PREX2: variants seen among roughly 807,000 people sequenced by gnomAD.
PREX2 encodes the protein phosphatidylinositol 3,4,5-trisphosphate-dependent Rac exchanger 2 protein.
A neutral mutation model predicts 203.2 loss-of-function variants in PREX2; 107 were observed. The ratio of observed to expected loss-of-function variants is 0.53; its 90% CI spans 0.45 to 0.62. PREX2 has a LOEUF of 0.62. PREX2 is among the 20% of genes least tolerant of loss of function. The pLI is 0.00. For missense variants in PREX2, 1,777 were observed against 1,955.9 expected (o/e 0.91, Z 1.72); for synonymous variants, 672 against 663.6 (o/e 1.01, Z -0.19).
At chr8:68,158,409 G>T (rs965050283) in intron 35 of PREX2, among the ~76,000 whole-genome samples, 1 of 152,086 alleles carries the variant, frequency 6.6e-6, no homozygotes, top group Non-Finnish European at 1.5e-5. Context: ...CTTGAGAATT[G>T]CAAGCCAGGA....
chr8:68,036,017 A>C (rs1808018307), intron 6 of PREX2, among the ~76,000 whole-genome samples: 1 of 152,198 alleles, frequency 6.6e-6, no homozygotes, highest in South Asian at 2.1e-4. Flanking sequence ...TGCTTATGAA[A>C]AGAAATGTTG....
At chr8:68,152,105 C>T (rs546548753) in intron 34 of PREX2, among the ~76,000 whole-genome samples, 5 of 151,248 alleles carry the variant, frequency 3.3e-5, no homozygotes, top group South Asian at 2.1e-4. Context: ...CTGGCTAACA[C>T]GATGAAACCC....
chr8:68,156,579 A>G (rs1470168941), intron 34 of PREX2, among the ~76,000 whole-genome samples: 2 of 152,234 alleles, frequency 1.3e-5, no homozygotes, highest in African/African-American at 4.8e-5. Flanking sequence ...AAGACAAGTT[A>G]ACAAGAGAAA....
intron 6 of PREX2, among the ~76,000 whole-genome samples, chr8:68,037,269 A>C (rs1431034720): frequency 6.6e-6 from 1 of 152,226 alleles, no homozygotes; most frequent in Non-Finnish European, 1.5e-5. Context: ...TCTCTTGCAG[A>C]GCACACATAT....
intron 37 of PREX2, among the ~76,000 whole-genome samples, chr8:68,207,930 T>C (rs1316313369): frequency 6.6e-6 from 1 of 152,032 alleles, no homozygotes; most frequent in East Asian, 1.9e-4. Flanking sequence ...ACTATAATAG[T>C]TGATGATTGC....
At chr8:68,204,678 CTTTTT>C (rs1192583427) in intron 37 of PREX2, among the ~76,000 whole-genome samples, 13 of 83,402 alleles carry the variant, frequency 1.6e-4, no homozygotes, top group African/African-American at 5.6e-4. Flanking sequence ...TTTCTTCTTT[CTTTTT>C]TTTTTTTTTT....
chr8:68,192,554 C>A, intron 37 of PREX2, 29 bp downstream of exon 37: 2 of 1,530,156 alleles, frequency 1.3e-6, no homozygotes, highest in Non-Finnish European at 1.8e-6. Context: ...TTGCTTGCCT[C>A]TTTGTTAGAT....
At chr8:68,210,258 A>T (rs1041899690) in intron 37 of PREX2, among the ~76,000 whole-genome samples, 10 of 152,268 alleles carry the variant, frequency 6.6e-5, no homozygotes, top group South Asian at 2.1e-4. Context: ...ACTTTAAAAA[A>T]TTTTTTTACT....
At position 68,105,144 on chromosome 8, in the gene PREX2, G is replaced by A. The variant is rs1320636192; in HGVS notation, c.2716-2965G>A. 4 of 1,367,728 alleles carry A rather than the reference G, an allele frequency of 2.9e-6. No homozygotes were observed. The South Asian group carries it at 4.5e-5, about 16-fold the overall frequency. 84.7% of individuals were successfully genotyped at this position (1,367,728 alleles called of 1,614,324 possible). On this transcript the variant is annotated intron_variant, in intron 23 of 39. Coordinates refer to ENST00000288368, the MANE Select transcript of PREX2 (RefSeq NM_024870.4). ...TGTACCTTCCATATTTTAGGTTCAA[G>A]CTTCAGAAAGGTTTTACAATTTCAC...
At chr8:68,096,836 T>C (rs1011736966) in intron 21 of PREX2, among the ~76,000 whole-genome samples, 181 bp from the exon 22 acceptor site, 2 of 152,216 alleles carry the variant, frequency 1.3e-5, no homozygotes, top group Non-Finnish European at 2.9e-5. Flanking sequence ...CACTCAAGCA[T>C]ATGCTTTTCT....
intron 1 of PREX2, among the ~76,000 whole-genome samples, chr8:68,003,899 A>T (rs1432782458): frequency 2.3e-5 from 3 of 130,026 alleles, no homozygotes; most frequent in Non-Finnish European, 4.6e-5. Flanking sequence ...GCCAGGCTGG[A>T]GTGCAGTGGC....
Position 68,170,026 on chromosome 8 carries a change from A to G in PREX2, c.4346+12590A>G, listed in dbSNP as rs558973870. 5.3e-5 allele frequency among the ~76,000 whole-genome samples: 8 copies of G among 152,336 alleles called. No individual in the cohort carries two copies. In the South Asian group the frequency reaches 1.7e-3, roughly 32 times the overall value. ...GGTGGTTAAGGATGACTTAAATACTAGGTGATATTTGAACATTAGCCTGAA... is the reference window on the plus strand; with the variant it reads ...GGTGGTTAAGGATGACTTAAATACTGGGTGATATTTGAACATTAGCCTGAA... On this transcript the variant is annotated intron_variant, in intron 35 of 39. Transcript: ENST00000288368.
intron 35 of PREX2, among the ~76,000 whole-genome samples, chr8:68,180,481 T>C (rs1437728666): frequency 6.6e-6 from 1 of 152,060 alleles, no homozygotes; most frequent in Non-Finnish European, 1.5e-5. Context: ...TTCAGAGTTA[T>C]GAGTTTACAG....
intron 37 of PREX2, among the ~76,000 whole-genome samples, chr8:68,194,441 C>T (rs774046835): frequency 6.6e-6 from 1 of 151,898 alleles, no homozygotes; most frequent in Non-Finnish European, 1.5e-5. Context: ...TTAATGCCAA[C>T]CTGAATCAGA....
At chr8:68,007,610 T>G (rs1807132269) in intron 1 of PREX2, among the ~76,000 whole-genome samples, 1 of 152,200 alleles carries the variant, frequency 6.6e-6, no homozygotes, top group Non-Finnish European at 1.5e-5. Context: ...ATGTACCAGT[T>G]ACTTTTTTTT....
intron 15 of PREX2, among the ~76,000 whole-genome samples, chr8:68,077,762 T>G (rs1364515673): frequency 6.6e-6 from 1 of 152,218 alleles, no homozygotes; most frequent in African/African-American, 2.4e-5. Flanking sequence ...CTGTTTTGTC[T>G]TGTTTTTAAG....
chr8:68,078,305 A>G (rs1162691764), intron 15 of PREX2, among the ~76,000 whole-genome samples: 2 of 152,122 alleles, frequency 1.3e-5, no homozygotes, highest in South Asian at 2.1e-4. Context: ...AGCTGGGACT[A>G]CAAGTGCATG....
chr8:68,095,277 A>G (rs1276871662), intron 21 of PREX2, among the ~76,000 whole-genome samples: 1 of 152,096 alleles, frequency 6.6e-6, no homozygotes, highest in Non-Finnish European at 1.5e-5. Context: ...CCAGAGGTCC[A>G]GGGGTGGGTC....
At chr8:67,997,207 C>G (rs1269117505) in intron 1 of PREX2, among the ~76,000 whole-genome samples, 1 of 152,038 alleles carries the variant, frequency 6.6e-6, no homozygotes, top group Non-Finnish European at 1.5e-5. Context: ...AGTAATAATT[C>G]AGTTAACCCT....
Sources: allele counts gnomAD v4.1 joint callset (sites outside exome capture counted in the v4.1 genomes callset), GRCh38; gene constraint gnomAD v4.1.1; transcripts MANE v1.5; gene names NCBI Gene and HGNC (gene_info 2026-07-23, HGNC 2026-07-21).